Variants in RIF1 observed in about 807,000 individuals in gnomAD.
The protein encoded by RIF1 is telomere-associated protein RIF1.
In RIF1, 45 loss-of-function variants were observed where a neutral mutation model predicts 247.1. The ratio of observed to expected loss-of-function variants is 0.18; its 90% CI spans 0.14 to 0.23. The LOEUF (loss-of-function observed/expected upper bound fraction) is 0.23, where lower values mean the gene tolerates loss of function less well. RIF1 is among the 10% of genes least tolerant of loss of function. The pLI is 1.00. For synonymous variants in RIF1, 1,087 were observed against 978.8 expected (o/e 1.11, Z -2.06); for missense variants, 2,967 against 2,862.5 (o/e 1.04, Z -0.83).
intron 26 of RIF1, 88 bp downstream of exon 26, chr2:151,460,207 A>T: frequency 9.5e-7 from 1 of 1,053,738 alleles, no homozygotes. Flanking sequence ...AAAGAACTAT[A>T]AAAGACTAAA....
At position 151,476,211 on chromosome 2, in the gene RIF1, A is replaced by C. The variant is rs1028714694; in HGVS notation, c.*1140A>C. ...AGTATTTCACAGCAAGTTGGACTAC[A>C]AAATCTAGAGTTGATCTGCTTTTTA... On this transcript the variant is annotated 3_prime_UTR_variant, in exon 36 of 36. Coordinates refer to ENST00000444746, the MANE Select transcript of RIF1 (RefSeq NM_018151.5). 4 of 152,218 alleles carry C rather than the reference A, an allele frequency of 2.6e-5. No homozygotes were observed. Among genetic ancestry groups the C allele is most frequent in the Admixed American group, 2.0e-4 (3 of 15,286 alleles). 9.4% of individuals were successfully genotyped at this position (152,218 alleles called of 1,614,324 possible). A position where few individuals can be genotyped will look rare whatever the true frequency, so the allele number is the denominator to read the frequency against.
chr2:151,518,795 G>A, the RIF1 span, among the ~76,000 whole-genome samples: 1 of 152,176 alleles, frequency 6.6e-6, no homozygotes, highest in South Asian at 2.1e-4. Flanking sequence ...TACAGACAAT[G>A]GAGAATTGGT....
intron 6 of RIF1, among the ~76,000 whole-genome samples, chr2:151,419,701 G>A (rs1444060651): frequency 6.6e-6 from 1 of 152,082 alleles, no homozygotes; most frequent in African/African-American, 2.4e-5. Flanking sequence ...ATGAATGAGA[G>A]CGCAGTAGAT....
the RIF1 span, chr2:151,530,889 T>C: frequency 4.2e-6 from 3 of 707,238 alleles, no homozygotes; most frequent in Non-Finnish European, 4.8e-6. Context: ...CCACTAAGTT[T>C]TAGGGTGGTT....
chr2:151,429,306 G>A (rs181860700), intron 9 of RIF1, among the ~76,000 whole-genome samples: 32 of 151,876 alleles, frequency 2.1e-4, no homozygotes, highest in African/African-American at 7.5e-4. Flanking sequence ...TCAGCCTCCC[G>A]AGTAGCTGGG....
the RIF1 span, chr2:151,514,994 C>A: frequency 2.0e-6 from 2 of 1,006,480 alleles, no homozygotes; most frequent in South Asian, 1.5e-5. Flanking sequence ...CTCTCCATCT[C>A]AGGAAGAAAA....
At chr2:151,508,079 T>G (rs199957886), downstream of RIF1, 214 of 1,609,628 alleles carry the variant, frequency 1.3e-4, 1 homozygote, top group Middle Eastern at 6.6e-4. Context: ...TAATACGACA[T>G]GGACTTCTCA....
rs2049050339 is a variant in RIF1, at chr2:151,478,785, CAT to C, written c.*3717_*3718del. The C allele has an allele frequency of 6.6e-6, 1 of 152,034 alleles. No individual in the cohort carries two copies. The highest frequency in any genetic ancestry group is 2.4e-5 in the African/African-American group (1 of 41,396). The allele number at this position is 152,034 out of a possible 1,614,324, so 9.4% of individuals were successfully genotyped here. A position where few individuals can be genotyped will look rare whatever the true frequency, so the allele number is the denominator to read the frequency against. On this transcript the variant is annotated 3_prime_UTR_variant, in exon 36 of 36. Coordinates refer to ENST00000444746, the MANE Select transcript of RIF1 (RefSeq NM_018151.5). Reference sequence around the variant, plus strand: ...AGTAAGAAAGGCCTAGGTTTCATCTCATATTCTTCATAATTGATTTTCAAGAA... The same window carrying C: ...AGTAAGAAAGGCCTAGGTTTCATCTCATTCTTCATAATTGATTTTCAAGAA...
At chr2:151,509,223 G>A (rs564761820), downstream of RIF1, among the ~76,000 whole-genome samples, 9 of 152,224 alleles carry the variant, frequency 5.9e-5, no homozygotes, top group South Asian at 6.2e-4. Flanking sequence ...AAATGGAAGC[G>A]AATTAAAGCC....
chr2:151,512,636 A>C (rs923390037), downstream of RIF1: 1 of 919,378 alleles, frequency 1.1e-6, no homozygotes, highest in Non-Finnish European at 1.7e-6. Context: ...ATTGGGAAAA[A>C]CTGATCTGAA....
Position 151,461,121 on chromosome 2 carries a change from T to C in RIF1, c.3076-17T>C. 1 of 1,598,900 alleles carries C rather than the reference T, an allele frequency of 6.3e-7. No individual in the cohort carries two copies. The highest frequency in any genetic ancestry group is 1.1e-5 in the South Asian group (1 of 87,492). ...GGAAGCTAAAATGTACATTTGCTTA[T>C]TTTTTCAAATCTGCAGCTGAAACTT... is the stretch of plus-strand genomic sequence containing the variant. On this transcript the variant is annotated splice_polypyrimidine_tract_variant and intron_variant, in intron 26 of 35. Coordinates refer to ENST00000444746, the MANE Select transcript of RIF1 (RefSeq NM_018151.5).
intron 34 of RIF1, among the ~76,000 whole-genome samples, chr2:151,472,827 A>G (rs2152541268): frequency 6.6e-6 from 1 of 152,272 alleles, no homozygotes; most frequent in African/African-American, 2.4e-5. Context: ...TTGGTCTAAA[A>G]ATCTCTTTTT....
rs374068276 is a variant in RIF1, at chr2:151,415,712, A to G, written c.280+793A>G. On this transcript the variant is annotated intron_variant, in intron 4 of 35. Coordinates refer to ENST00000444746, the MANE Select transcript of RIF1 (RefSeq NM_018151.5). Reference sequence around the variant, plus strand: ...AACCTGGAGAAACCCCGTCTCTACTAAAAATACAAAAAAAATTAGCTGGGT... The same window carrying G: ...AACCTGGAGAAACCCCGTCTCTACTGAAAATACAAAAAAAATTAGCTGGGT... 1.8e-4 allele frequency among the ~76,000 whole-genome samples: 28 copies of G among 151,932 alleles called. No homozygotes were observed. In the East Asian group the frequency reaches 4.8e-3, roughly 26 times the overall value.
chr2:151,534,208 A>G, the RIF1 span: 2 of 1,611,052 alleles, frequency 1.2e-6, no homozygotes, highest in Non-Finnish European at 1.7e-6. Context: ...CAGCCCCATC[A>G]CAGTACCTGA....
At position 151,463,454 on chromosome 2, in the gene RIF1, A is replaced by G. The variant is rs778880619; in HGVS notation, c.3934A>G (p.Lys1312Glu). 6 of 1,613,900 alleles carry G rather than the reference A, an allele frequency of 3.7e-6. No homozygotes were observed. The highest frequency in any genetic ancestry group is 1.7e-5 in the Admixed American group (1 of 59,980). ...SKPLMRSEPE[K>E]NTEESVEGIV... The stretch of plus-strand genomic sequence containing the variant: ...GCCCTTAATGAGATCTGAGCCGGAG[A>G]AAAATACTGAGGAATCTGTTGAAGG... Residue 1312 changes from lysine (K) to glutamate (E), a missense_variant, in exon 30 of 36, where the codon AAA becomes GAA. Around this residue, in one of 7 missense-constraint regions of RIF1, gnomAD observed 2,028 missense variants for 1,825.6 expected, o/e 1.11. Transcript: ENST00000444746.
In RIF1 at chr2:151,466,019, A is replaced by G. The variant is rs1251771450; in HGVS notation, c.6499A>G (p.Thr2167Ala). The G allele has an allele frequency of 1.2e-6, 2 of 1,613,968 alleles. No homozygotes were observed. The highest frequency in any genetic ancestry group is 1.3e-5 in the African/African-American group (1 of 74,940). The change falls in exon 30 of 36, where the codon ACA becomes GCA. Residue 2167 changes from threonine to alanine, a missense_variant. This residue lies in a region of RIF1 where 2,028 missense variants were observed against 1,825.6 expected (regional missense o/e 1.11). Transcript: ENST00000444746. ...AAATGACAGTCCTAGTGGCATGCAGACACGCTGTGTCTGGTCTCCTTTGGC... is the reference window on the plus strand; with the variant it reads ...AAATGACAGTCCTAGTGGCATGCAGGCACGCTGTGTCTGGTCTCCTTTGGC... ...SANDSPSGMQ[T>A]RCVWSPLASP... is the part of the protein sequence containing the mutation.
intron 9 of RIF1, among the ~76,000 whole-genome samples, chr2:151,487,405 C>G (rs2051653456): frequency 6.6e-6 from 1 of 152,172 alleles, no homozygotes; most frequent in Non-Finnish European, 1.5e-5. Flanking sequence ...TATTCAAAAT[C>G]ACATGCATAT....
chr2:151,441,862 AT>A, intron 15 of RIF1, 42 bp from the exon 16 acceptor site: 1 of 902,932 alleles, frequency 1.1e-6, no homozygotes, highest in Admixed American at 2.2e-5. Context: ...ATTAGATAAT[AT>A]TTTTACGGCT....
chr2:151,467,699 G>A (rs753147190), intron 30 of RIF1, among the ~76,000 whole-genome samples: 1 of 152,104 alleles, frequency 6.6e-6, no homozygotes. Context: ...AAAGTTCCTA[G>A]AATCAGATCG....
Sources: allele counts gnomAD v4.1 joint callset (sites outside exome capture counted in the v4.1 genomes callset), GRCh38; gene constraint gnomAD v4.1.1; regional missense constraint gnomAD v4.1.1; transcripts MANE v1.5; gene names NCBI Gene and HGNC (gene_info 2026-07-23, HGNC 2026-07-21).